Variants in PCDHGB2 observed in about 807,000 individuals in gnomAD.
PCDHGB2 encodes the protein protocadherin gamma subfamily B, 2.
PCDHGB2 carries 55 observed loss-of-function variants against 59.3 expected under a neutral mutation model. The observed-to-expected ratio is 0.93, with a 90% CI of 0.75 to 1.16. The LOEUF is 1.16. Ranked by LOEUF, PCDHGB2 falls within the 50% of genes most tolerant of loss-of-function variation. The pLI is 0.00. For missense variants in PCDHGB2, 1,228 were observed against 1,198.5 expected, an observed-to-expected ratio of 1.02 and a Z score of -0.36; for synonymous variants, 516 against 512.0, an observed-to-expected ratio of 1.01 and a Z score of -0.11.
intron 1 of PCDHGB2, chr5:141,392,941 C>T (rs780347240): frequency 6.2e-7 from 1 of 1,613,940 alleles, no homozygotes. Context: ...GACAAAGGCT[C>T]CTTCGTGGGT....
intron 1 of PCDHGB2, chr5:141,421,909 C>T: frequency 1.9e-6 from 3 of 1,613,710 alleles, no homozygotes; most frequent in Non-Finnish European, 2.5e-6. Context: ...GGGCGCAGTT[C>T]CCATTCGTGT....
At chr5:141,376,675 C>CTTT in intron 1 of PCDHGB2, 7 of 345,068 alleles carry the variant, frequency 2.0e-5, no homozygotes, top group Admixed American at 4.8e-5. Context: ...GTGAGGGTAT[C>CTTT]GTTTTTTTTT....
chr5:141,401,689 A>G (rs2094183367), intron 1 of PCDHGB2, among the ~76,000 whole-genome samples: 1 of 152,222 alleles, frequency 6.6e-6, no homozygotes, highest in Non-Finnish European at 1.5e-5. Context: ...ATGGAAGGTG[A>G]ATACAGGATT....
intron 1 of PCDHGB2, chr5:141,412,489 T>C (rs1292155082): frequency 6.6e-6 from 1 of 152,176 alleles, no homozygotes; most frequent in East Asian, 1.9e-4. Context: ...TCTTACACAA[T>C]CCTAAGCTAA....
chr5:141,413,793 C>G, intron 1 of PCDHGB2: 1 of 1,613,106 alleles, frequency 6.2e-7, no homozygotes, highest in South Asian at 1.1e-5. Context: ...CCCTAGATCG[C>G]GAGGAAGAGG....
chr5:141,419,894 C>T (rs1590201850), intron 1 of PCDHGB2: 2 of 1,613,926 alleles, frequency 1.2e-6, no homozygotes, highest in East Asian at 2.2e-5. Flanking sequence ...CAGCGACCAT[C>T]CCACACCCTC....
intron 1 of PCDHGB2, among the ~76,000 whole-genome samples, chr5:141,449,869 T>G (rs1003364964): frequency 6.6e-6 from 1 of 151,924 alleles, no homozygotes; most frequent in African/African-American, 2.4e-5. Flanking sequence ...ATCAGAAAAT[T>G]TAACATCAAT....
At chr5:141,414,338 G>C in intron 1 of PCDHGB2, 1 of 1,613,832 alleles carries the variant, frequency 6.2e-7, no homozygotes, top group Non-Finnish European at 8.5e-7. Context: ...CAGGTAACCT[G>C]TTCCATTTTG....
chr5:141,383,319 A>T, intron 1 of PCDHGB2: 2 of 1,614,020 alleles, frequency 1.2e-6, no homozygotes, highest in Non-Finnish European at 1.7e-6. Context: ...AAATAAATGT[A>T]AAAATAATGG....
At chr5:141,415,686 G>A in intron 1 of PCDHGB2, 2 of 1,535,424 alleles carry the variant, frequency 1.3e-6, no homozygotes, top group Non-Finnish European at 1.8e-6. Context: ...GCGGCATGAT[G>A]GTGGAAAGTG....
intron 2 of PCDHGB2, among the ~76,000 whole-genome samples, chr5:141,497,642 C>T (rs1426920174): frequency 1.3e-5 from 2 of 151,352 alleles, no homozygotes; most frequent in Middle Eastern, 3.4e-3. Context: ...CAGGTTCAAG[C>T]GATTCTCCTG....
In PCDHGB2 at chr5:141,361,793, G is replaced by A; in HGVS notation, c.1658G>A (p.Gly553Asp). ...SANVSLRVLV[G>D]DLNDNAPRVL... ...AACGTGAGCCTGCGCGTGTTAGTGG[G>A]CGACCTCAATGACAATGCGCCACGG... Residue 553 changes from glycine to aspartate, a missense_variant, in exon 1 of 4, where the codon GGC becomes GAC. This residue lies in a region of PCDHGB2 where 781 missense variants were observed against 721.6 expected (regional missense o/e 1.08). Coordinates refer to ENST00000522605, the MANE Select transcript of PCDHGB2 (RefSeq NM_018923.3). The A allele has an allele frequency of 6.2e-7, 1 of 1,613,244 alleles. No individual in the cohort carries two copies. The highest frequency in any genetic ancestry group is 8.5e-7 in the Non-Finnish European group (1 of 1,179,748).
intron 1 of PCDHGB2, chr5:141,414,451 G>C (rs1390702349): frequency 1.9e-6 from 3 of 1,613,874 alleles, no homozygotes; most frequent in Non-Finnish European, 2.5e-6. Context: ...CAATATCACA[G>C]TGACAGCCAC....
intron 1 of PCDHGB2, chr5:141,367,897 G>C (rs1471279698): frequency 6.6e-6 from 1 of 151,856 alleles, no homozygotes; most frequent in Admixed American, 6.6e-5. Flanking sequence ...TTGAGTTTAA[G>C]GTTGTATTTG....
rs764039295 is a variant in PCDHGB2 at position 141,374,747 on chromosome 5, C to T, written c.2421+12191C>T. The T allele has an allele frequency of 3.7e-6, 6 of 1,612,022 alleles. No homozygotes were observed. Among genetic ancestry groups the T allele is most frequent in the East Asian group, 4.5e-5 (2 of 44,822 alleles). On this transcript the variant is annotated intron_variant, in intron 1 of 3. Transcript: ENST00000522605. ...TGCCATGGATGGCGGCGACCCTGTC[C>T]GCTCAAGCGTCGCCCAAATTCTGGT... is the stretch of plus-strand genomic sequence containing the variant.
chr5:141,460,576 G>A (rs2098992216), intron 1 of PCDHGB2, among the ~76,000 whole-genome samples: 1 of 152,082 alleles, frequency 6.6e-6, no homozygotes, highest in Non-Finnish European at 1.5e-5. Flanking sequence ...ACATATGTAG[G>A]TGTGGGTTTT....
chr5:141,372,398 G>A lies in PCDHGB2; in HGVS notation c.2421+9842G>A, dbSNP rs772578154. The stretch of plus-strand genomic sequence containing the variant: ...TGCACCTAATCTTCGCAGATAGCTT[G>A]CAAGAGATACAACCTGACCTTAGCG... On this transcript the variant is annotated intron_variant, in intron 1 of 3. Transcript: ENST00000522605. 22 of 1,614,058 alleles carry A rather than the reference G, an allele frequency of 1.4e-5. No individual in the cohort carries two copies. The East Asian group carries it at 4.9e-4, about 36-fold the overall frequency.
intron 1 of PCDHGB2, chr5:141,404,736 A>T: frequency 6.2e-7 from 1 of 1,613,622 alleles, no homozygotes. Context: ...GTGGCAGTGG[A>T]CAGAGACTCA....
At chr5:141,427,958 G>A (rs1266312663) in intron 1 of PCDHGB2, 3 of 1,588,290 alleles carry the variant, frequency 1.9e-6, no homozygotes, top group Admixed American at 1.7e-5. Context: ...ACAATGTGCC[G>A]CGGGTGCTGT....
Sources: allele counts gnomAD v4.1 joint callset (sites outside exome capture counted in the v4.1 genomes callset), GRCh38; gene constraint gnomAD v4.1.1; regional missense constraint gnomAD v4.1.1; transcripts MANE v1.5; gene names NCBI Gene and HGNC (gene_info 2026-07-23, HGNC 2026-07-21).